Variants in DTX4 observed in about 807,000 individuals in gnomAD.
DTX4 encodes the protein E3 ubiquitin-protein ligase DTX4.
Under a neutral mutation model 57.6 loss-of-function variants are expected in DTX4, and 28 were observed. The ratio of observed to expected loss-of-function variants is 0.49; its 90% CI spans 0.36 to 0.67. The LOEUF (loss-of-function observed/expected upper bound fraction) is 0.67. DTX4 is among the 30% of genes least tolerant of loss of function. DTX4 has a pLI of 0.00. For missense variants in DTX4, 715 were observed against 836.8 expected, an observed-to-expected ratio of 0.85 and a Z score of 1.80; for synonymous variants, 316 against 331.0, an observed-to-expected ratio of 0.95 and a Z score of 0.49.
intron 1 of DTX4, among the ~76,000 whole-genome samples, chr11:59,178,877 C>T (rs1053373729): frequency 3.9e-5 from 6 of 152,028 alleles, no homozygotes; most frequent in Non-Finnish European, 7.4e-5. Flanking sequence ...AGTCAGGGAA[C>T]TCTGGGGGAA....
rs765074527 is a variant in DTX4, at chr11:59,195,337, C to T, written c.1504C>T (p.Arg502Trp). ...LPGHPDCKTI[R>W]IIYSIPPGIQ... ...TGGCCACCCAGACTGCAAAACCATCCGGATCATCTACAGCATCCCCCCCGG... is the reference window on the plus strand; with the variant it reads ...TGGCCACCCAGACTGCAAAACCATCTGGATCATCTACAGCATCCCCCCCGG... The change falls in exon 7 of 9, where the codon CGG becomes TGG. Residue 502 changes from arginine to tryptophan, a missense_variant. Coordinates refer to ENST00000227451, the MANE Select transcript of DTX4 (RefSeq NM_015177.2). The T allele has an allele frequency of 5.0e-6, 8 of 1,613,574 alleles. No homozygotes were observed. Among genetic ancestry groups the T allele is most frequent in the East Asian group, 2.2e-5 (1 of 44,872 alleles).
At chr11:59,199,362 A>C (rs1420520983) in intron 7 of DTX4, among the ~76,000 whole-genome samples, 1 of 152,228 alleles carries the variant, frequency 6.6e-6, no homozygotes, top group Non-Finnish European at 1.5e-5. Context: ...ACTACTCATC[A>C]GGCACCACTC....
intron 7 of DTX4, among the ~76,000 whole-genome samples, chr11:59,199,343 T>A (rs1862712913): frequency 1.3e-5 from 2 of 152,246 alleles, no homozygotes; most frequent in African/African-American, 4.8e-5. Flanking sequence ...AAACATTTAC[T>A]GAGCTCTTAC....
rs773592545 is a variant in DTX4, at chr11:59,204,724, A to G, written c.1675A>G (p.Ile559Val). Residue 559 changes from isoleucine (I) to valine (V), a missense_variant, in exon 9 of 9, where the codon ATT (isoleucine) becomes GTT (valine). Transcript: ENST00000227451. ...CTGGGATCGCCGCCTCATTTTTGCC[A>G]TTGGCACCTCCAGCACCACAGGCGA... ...VAWDRRLIFAIGTSSTTGESD... is the reference protein window; with the variant it reads ...VAWDRRLIFAVGTSSTTGESD... 2 of 1,613,718 alleles carry G rather than the reference A, an allele frequency of 1.2e-6. No individual in the cohort carries two copies. Among genetic ancestry groups the G allele is most frequent in the Non-Finnish European group, 1.7e-6 (2 of 1,179,794 alleles).
chr11:59,195,169 C>G, intron 6 of DTX4, 39 bp from the exon 7 acceptor site: 1 of 1,610,882 alleles, frequency 6.2e-7, no homozygotes, highest in Non-Finnish European at 8.5e-7. Flanking sequence ...ATTACCAAAA[C>G]TGTTTCCCAA....
rs1326790775 is a variant in DTX4 at position 59,190,491 on chromosome 11, T to G, written c.1160-623T>G. Among the ~76,000 whole-genome samples the G allele has an allele frequency of 3.4e-4, 51 of 152,168 alleles. 1 individual carries two copies. The highest frequency in any genetic ancestry group is 3.3e-3 in the Admixed American group (51 of 15,284). ...GGTTATATCATCCCATCCTCTACCTTCAGGTTGGGCTACCTTTTAAGAGTC... is the reference window on the plus strand; with the variant it reads ...GGTTATATCATCCCATCCTCTACCTGCAGGTTGGGCTACCTTTTAAGAGTC... On this transcript the variant is annotated intron_variant, in intron 4 of 8. Coordinates refer to ENST00000227451, the MANE Select transcript of DTX4 (RefSeq NM_015177.2).
In DTX4 at chr11:59,204,852, G is replaced by C; in HGVS notation, c.1803G>C (p.Leu601=). The C allele has an allele frequency of 6.2e-7, 1 of 1,603,688 alleles. No individual in the cohort carries two copies. ...ATGCCAATTACCTGGATAATGTGCT[G>C]GCTGAACTGGCTGCCCAGGGCATCT... ...YPDANYLDNV[L]AELAAQGISE... is the part of the protein sequence containing the mutation. The change falls in exon 9 of 9, where the codon CTG becomes CTC. Residue 601 remains leucine (L), a synonymous_variant. Coordinates refer to ENST00000227451, the MANE Select transcript of DTX4 (RefSeq NM_015177.2).
rs759665079 is a variant in DTX4, at chr11:59,192,256, T to A, written c.1374+6T>A. 1.9e-6 allele frequency: 3 copies of A among 1,613,864 alleles called. No individual in the cohort carries two copies. The Admixed American group carries it at 5.0e-5, about 27-fold the overall frequency. Reference sequence around the variant, plus strand: ...TGTACAACAATGGGAACAAGGTCAGTGCCAGCCTATGGGGCTCCTGCCACC... The same window carrying A: ...TGTACAACAATGGGAACAAGGTCAGAGCCAGCCTATGGGGCTCCTGCCACC... On this transcript the variant is annotated splice_donor_region_variant and intron_variant, in intron 6 of 8. Coordinates refer to ENST00000227451, the MANE Select transcript of DTX4 (RefSeq NM_015177.2).
At position 59,172,480 on chromosome 11, in the gene DTX4, C is replaced by T; in HGVS notation, c.-116C>T. 1 of 456,604 alleles carries T rather than the reference C, an allele frequency of 2.2e-6. No individual in the cohort carries two copies. The highest frequency in any genetic ancestry group is 3.1e-6 in the Non-Finnish European group (1 of 323,286). 28.3% of individuals were successfully genotyped at this position (456,604 alleles called of 1,614,324 possible). ...GCTGAGGCTGCCCGGGGCGGCGGGG[C>T]GCGGGGCAGGGGGCGCGGTCGAGGC... On this transcript the variant is annotated 5_prime_UTR_variant, in exon 1 of 9. Coordinates refer to ENST00000227451, the MANE Select transcript of DTX4 (RefSeq NM_015177.2).
intron 1 of DTX4, 24 bp downstream of exon 1, chr11:59,172,830 G>A: frequency 1.3e-6 from 2 of 1,485,346 alleles, no homozygotes; most frequent in Non-Finnish European, 1.8e-6. Context: ...CCCTGACCCC[G>A]CCCCGCCTGC....
rs1397867926 is a variant in DTX4 at position 59,172,190 on chromosome 11, A to G, written c.-406A>G. ...CCGGCGTCTGCAGAGGCCGAGGCGC[A>G]ACTGGTGCGAGGGCTGGGTCCTTGC... On this transcript the variant is annotated 5_prime_UTR_variant, in exon 1 of 9. Coordinates refer to ENST00000227451, the MANE Select transcript of DTX4 (RefSeq NM_015177.2). 6.6e-6 allele frequency among the ~76,000 whole-genome samples: 1 copy of G among 152,148 alleles called. No homozygotes were observed. The highest frequency in any genetic ancestry group is 2.4e-5 in the African/African-American group (1 of 41,518).
At chr11:59,176,571 G>C (rs1413612671) in intron 1 of DTX4, among the ~76,000 whole-genome samples, 2 of 152,196 alleles carry the variant, frequency 1.3e-5, no homozygotes. Context: ...AATTCTGGTG[G>C]GCGTGGGGGA....
Position 59,182,024 on chromosome 11 carries a change from G to A in DTX4, c.497G>A (p.Gly166Glu). The change falls in exon 2 of 9, where the codon GGG (glycine) becomes GAG (glutamate). Residue 166 changes from glycine to glutamate, a missense_variant. Physicochemically the swap from Gly to Glu is moderately conservative, Grantham distance 98. Transcript: ENST00000227451. ...RLDLIYPMVTGTLPKAQSWPV... is the reference protein window; with the variant it reads ...RLDLIYPMVTETLPKAQSWPV... ...GACCTCATCTACCCCATGGTCACAGGGACCTTGCCTAAGGCTCAGTCCTGG... is the reference window on the plus strand; with the variant it reads ...GACCTCATCTACCCCATGGTCACAGAGACCTTGCCTAAGGCTCAGTCCTGG... 1 of 1,613,650 alleles carries A rather than the reference G, an allele frequency of 6.2e-7. No homozygotes were observed. The highest frequency in any genetic ancestry group is 1.1e-5 in the South Asian group (1 of 91,038).
chr11:59,197,105 G>A (rs1051271914), intron 7 of DTX4, among the ~76,000 whole-genome samples: 1 of 152,162 alleles, frequency 6.6e-6, no homozygotes, highest in African/African-American at 2.4e-5. Context: ...GAGGTTTGGT[G>A]AGAATGGGAA....
rs77059212 is a variant in DTX4, at chr11:59,173,647, C to T, written c.211+841C>T. On this transcript the variant is annotated intron_variant, in intron 1 of 8. Transcript: ENST00000227451. ...CCATAGCCTGTAAGGAACCCATGGT[C>T]TCCTGGAGCGCCAAACTCCTATCTT... is the stretch of plus-strand genomic sequence containing the variant. 6.1e-3 allele frequency among the ~76,000 whole-genome samples: 929 copies of T among 152,254 alleles called. 7 individuals are homozygous for T. Among genetic ancestry groups the T allele is most frequent in the African/African-American group, 0.021 (880 of 41,546 alleles).
At position 59,172,391 on chromosome 11, in the gene DTX4, G is replaced by C. The variant is rs890153268; in HGVS notation, c.-205G>C. ...GCGGCGGCGGCGGCGCGCGGTCCCA[G>C]CCAGGCGGCCCCGGTGTCCCGGCCC... On this transcript the variant is annotated 5_prime_UTR_variant, in exon 1 of 9. Coordinates refer to ENST00000227451, the MANE Select transcript of DTX4 (RefSeq NM_015177.2). 2 of 173,438 alleles carry C rather than the reference G, an allele frequency of 1.2e-5. No individual in the cohort carries two copies. Among genetic ancestry groups the C allele is most frequent in the Non-Finnish European group, 2.4e-5 (2 of 84,264 alleles). 10.7% of individuals were successfully genotyped at this position (173,438 alleles called of 1,614,324 possible).
At chr11:59,192,853 C>T (rs772364327) in intron 6 of DTX4, among the ~76,000 whole-genome samples, 26 of 152,198 alleles carry the variant, frequency 1.7e-4, no homozygotes, top group Non-Finnish European at 3.1e-4. Flanking sequence ...TGTCTATTAT[C>T]TGACAATGCA....
chr11:59,174,952 C>T (rs1042447424), intron 1 of DTX4, among the ~76,000 whole-genome samples: 2 of 152,162 alleles, frequency 1.3e-5, no homozygotes, highest in African/African-American at 4.8e-5. Context: ...TGCGCCAGGC[C>T]CTGTGCTGGG....
chr11:59,177,151 A>G (rs1862405471), intron 1 of DTX4, among the ~76,000 whole-genome samples: 1 of 152,144 alleles, frequency 6.6e-6, no homozygotes, highest in Non-Finnish European at 1.5e-5. Flanking sequence ...TTATTTGGGC[A>G]CCTAATAGGT....
Sources: gnomAD v4.1 joint callset for allele counts (sites outside exome capture counted in the v4.1 genomes callset) on GRCh38, gnomAD v4.1.1 for gene constraint, MANE v1.5 for transcripts, NCBI Gene and HGNC (gene_info 2026-07-23, HGNC 2026-07-21) for gene names.